BRWD3: variants seen among roughly 807,000 people sequenced by gnomAD.
The protein encoded by BRWD3 is bromodomain and WD repeat domain containing 3.
A neutral mutation model predicts 149.7 loss-of-function variants in BRWD3; 10 were observed. The ratio of observed to expected loss-of-function variants is 0.07; its 90% CI spans 0.04 to 0.11. BRWD3 has a LOEUF of 0.11. Among genes scored for constraint, BRWD3 ranks in the 10% least tolerant of loss-of-function variants. The pLI is 1.00. For missense variants in BRWD3, 940 were observed against 1,373.2 expected, an observed-to-expected ratio of 0.68 and a Z score of 4.99; for synonymous variants, 504 against 456.7, an observed-to-expected ratio of 1.10 and a Z score of -1.32.
At chrX:80,747,782 A>G (rs2073613284) in intron 6 of BRWD3, among the ~76,000 whole-genome samples, 1 of 111,936 alleles carries the variant, frequency 8.9e-6, no homozygotes, top group Non-Finnish European at 1.9e-5. Flanking sequence ...TTCATTTTGT[A>G]ATCTGCAACA....
intron 6 of BRWD3, among the ~76,000 whole-genome samples, chrX:80,761,367 T>G (rs1364660693): frequency 8.9e-6 from 1 of 111,843 alleles, no homozygotes. Flanking sequence ...TCTTCATGCA[T>G]GAAAAATAGA....
intron 4 of BRWD3, among the ~76,000 whole-genome samples, chrX:80,801,645 A>T (rs1450246772): frequency 2.8e-5 from 3 of 108,663 alleles, no homozygotes; most frequent in African/African-American, 1.0e-4. Context: ...ATTCAAGACC[A>T]GCCTGACCAA....
chrX:80,674,115 T>A lies in BRWD3; in HGVS notation c.*2494A>T, dbSNP rs1279548940. ...CTGTTTGTTTAATAAATGATAACTA[T>A]GTTTATCTAACATACCCTGATGACT... On this transcript the variant is annotated 3_prime_UTR_variant, in exon 41 of 41. Coordinates refer to ENST00000373275, the MANE Select transcript of BRWD3 (RefSeq NM_153252.5). The A allele has an allele frequency of 8.9e-6, 1 of 111,939 alleles. No homozygotes were observed. The highest frequency in any genetic ancestry group is 1.9e-5 in the Non-Finnish European group (1 of 53,022). The allele number at this position is 111,939 out of a possible 1,213,427, so 9.2% of individuals were successfully genotyped here. A position where few individuals can be genotyped will look rare whatever the true frequency, so the allele number is the denominator to read the frequency against.
intron 6 of BRWD3, among the ~76,000 whole-genome samples, chrX:80,762,581 G>T (rs1380609384): frequency 9.0e-6 from 1 of 110,622 alleles, no homozygotes; most frequent in Non-Finnish European, 1.9e-5. Flanking sequence ...GGTGGGGAAA[G>T]GAGAGGGATA....
chrX:80,717,846 C>G (rs1392187839), intron 18 of BRWD3, 87 bp from the exon 19 acceptor site: 1 of 806,049 alleles, frequency 1.2e-6, no homozygotes, highest in African/African-American at 2.0e-5. Flanking sequence ...ACAGTAGATT[C>G]AAATATAGTA....
In BRWD3 at chrX:80,798,720, C is replaced by G. The variant is rs1230718600; in HGVS notation, c.181-4948G>C. On this transcript the variant is annotated intron_variant, in intron 4 of 40. Transcript: ENST00000373275. ...ACAGAGATGGGAGGATCACTTGAGGCCAAGAGTTCAAGACCATCCTGGGCA... is the reference window on the plus strand; with the variant it reads ...ACAGAGATGGGAGGATCACTTGAGGGCAAGAGTTCAAGACCATCCTGGGCA... 2.7e-5 allele frequency among the ~76,000 whole-genome samples: 3 copies of G among 111,071 alleles called. No homozygotes were observed. In the East Asian group the frequency reaches 8.5e-4, roughly 31 times the overall value.
At chrX:80,798,452 T>G (rs2074260429) in intron 4 of BRWD3, among the ~76,000 whole-genome samples, 1 of 111,244 alleles carries the variant, frequency 9.0e-6, no homozygotes, top group South Asian at 3.7e-4. Context: ...ATAAAATTCA[T>G]GTCTTAATAT....
chrX:80,763,317 T>C (rs2073822337), intron 6 of BRWD3, among the ~76,000 whole-genome samples: 1 of 111,779 alleles, frequency 8.9e-6, no homozygotes, highest in African/African-American at 3.3e-5. Flanking sequence ...TGGCTGCTTT[T>C]ATAGCAGCTT....
chrX:80,684,201 T>C, intron 36 of BRWD3, 39 bp from the exon 37 acceptor site: 1 of 1,113,792 alleles, frequency 9.0e-7, no homozygotes, highest in Admixed American at 2.2e-5. Context: ...TGTATAGCAA[T>C]ATTAAGGAAT....
intron 20 of BRWD3, among the ~76,000 whole-genome samples, chrX:80,715,915 T>A (rs2073068262): frequency 8.9e-6 from 1 of 111,896 alleles, no homozygotes; most frequent in South Asian, 3.7e-4. Flanking sequence ...ATGGTTATTT[T>A]AATACAAATA....
At chrX:80,715,334 T>G (rs2073060158) in intron 20 of BRWD3, among the ~76,000 whole-genome samples, 1 of 111,981 alleles carries the variant, frequency 8.9e-6, no homozygotes, top group Non-Finnish European at 1.9e-5. Context: ...GATATCCATT[T>G]GATATTTACC....
chrX:80,670,300 A>G lies in BRWD3; in HGVS notation c.*6309T>C, dbSNP rs2072313138. Reference sequence around the variant, plus strand: ...AGCGTATAGGCTTAACTATCCCACCAAAAATCTCATTCAAAAGATCAACTC... The same window carrying G: ...AGCGTATAGGCTTAACTATCCCACCGAAAATCTCATTCAAAAGATCAACTC... On this transcript the variant is annotated 3_prime_UTR_variant, in exon 41 of 41. Transcript: ENST00000373275. Among the ~76,000 whole-genome samples the G allele has an allele frequency of 9.0e-6, 1 of 111,686 alleles. No individual in the cohort carries two copies.
At chrX:80,686,786 G>T in intron 35 of BRWD3, 77 bp downstream of exon 35, 1 of 1,055,743 alleles carries the variant, frequency 9.5e-7, no homozygotes, top group Non-Finnish European at 1.3e-6. Context: ...TGAGAAAATT[G>T]CTCTTATCTA....
At chrX:80,732,428 G>A (rs1447317281) in intron 12 of BRWD3, among the ~76,000 whole-genome samples, 1 of 111,632 alleles carries the variant, frequency 9.0e-6, no homozygotes, top group Non-Finnish European at 1.9e-5. Context: ...AATGAGTGAT[G>A]CAGATATTCA....
intron 6 of BRWD3, chrX:80,746,839 G>C: frequency 1.3e-6 from 1 of 750,861 alleles, no homozygotes; most frequent in Non-Finnish European, 1.6e-6. Flanking sequence ...GAGCAATGAA[G>C]TCTTTCTTTC....
intron 12 of BRWD3, among the ~76,000 whole-genome samples, chrX:80,732,974 CA>C (rs1005674319): frequency 2.7e-5 from 3 of 110,487 alleles, no homozygotes; most frequent in Non-Finnish European, 5.7e-5. Flanking sequence ...ACTAAAAATA[CA>C]AAAACTTAGC....
At chrX:80,765,636 AAC>A (rs2073850346) in intron 6 of BRWD3, among the ~76,000 whole-genome samples, 1 of 111,890 alleles carries the variant, frequency 8.9e-6, no homozygotes, top group Admixed American at 9.5e-5. Context: ...GTGTGTATAA[AAC>A]AGTTTCTTTG....
chrX:80,754,335 A>G (rs567988180), intron 6 of BRWD3, among the ~76,000 whole-genome samples: 2 of 111,894 alleles, frequency 1.8e-5, no homozygotes, highest in South Asian at 3.7e-4. Context: ...AAATGCTACT[A>G]ATTTTTGTAC....
intron 8 of BRWD3, among the ~76,000 whole-genome samples, chrX:80,740,163 T>C (rs2073464850): frequency 9.0e-6 from 1 of 111,689 alleles, no homozygotes; most frequent in African/African-American, 3.3e-5. Flanking sequence ...AAAAAGATGA[T>C]ATATTATTTA....
Sources: gnomAD v4.1 joint callset for allele counts (sites outside exome capture counted in the v4.1 genomes callset) on GRCh38, gnomAD v4.1.1 for gene constraint, MANE v1.5 for transcripts, NCBI Gene and HGNC (gene_info 2026-07-23, HGNC 2026-07-21) for gene names.